Variants in SCAMP1 observed in about 807,000 individuals in gnomAD.
SCAMP1 encodes the protein secretory carrier-associated membrane protein 1.
Under a neutral mutation model 41.8 loss-of-function variants are expected in SCAMP1, and 15 were observed. The ratio of observed to expected loss-of-function variants is 0.36; its 90% confidence interval spans 0.24 to 0.55. The LOEUF (loss-of-function observed/expected upper bound fraction) is 0.55. Among genes scored for constraint, SCAMP1 ranks in the 20% least tolerant of loss-of-function variants. The pLI is 0.86. For missense variants in SCAMP1, 341 were observed against 412.6 expected, an observed-to-expected ratio of 0.83 and a Z score of 1.50; for synonymous variants, 135 against 136.8, an observed-to-expected ratio of 0.99 and a Z score of 0.09.
At chr5:78,427,571 G>C (rs542237332) in intron 6 of SCAMP1, among the ~76,000 whole-genome samples, 1 of 152,214 alleles carries the variant, frequency 6.6e-6, no homozygotes, top group Admixed American at 6.5e-5. Context: ...TTACTGGGAT[G>C]AAACTTTTTT....
intron 1 of SCAMP1, among the ~76,000 whole-genome samples, chr5:78,373,476 T>G (rs1344905953): frequency 6.6e-6 from 1 of 151,894 alleles, no homozygotes; most frequent in Non-Finnish European, 1.5e-5. Context: ...TGTAGGAAAG[T>G]TGCCACATGG....
chr5:78,408,829 G>A (rs1386116855), intron 2 of SCAMP1, among the ~76,000 whole-genome samples: 5 of 151,988 alleles, frequency 3.3e-5, no homozygotes, highest in Non-Finnish European at 7.4e-5. Context: ...CAATCTCCTG[G>A]CCTTGAGTGA....
chr5:78,422,242 A>G (rs557444842), intron 6 of SCAMP1, among the ~76,000 whole-genome samples: 20 of 152,150 alleles, frequency 1.3e-4, no homozygotes, highest in African/African-American at 4.8e-4. Flanking sequence ...ATTCTCTTCC[A>G]TATGTTATAC....
intron 1 of SCAMP1, among the ~76,000 whole-genome samples, chr5:78,374,351 C>G (rs1001374206): frequency 5.3e-5 from 8 of 151,978 alleles, no homozygotes; most frequent in African/African-American, 1.7e-4. Flanking sequence ...TAGGGAAATT[C>G]GGACACAGAA....
chr5:78,470,225 T>C (rs1753854496), intron 8 of SCAMP1, among the ~76,000 whole-genome samples: 1 of 152,184 alleles, frequency 6.6e-6, no homozygotes, highest in Admixed American at 6.5e-5. Context: ...AGGTATACAA[T>C]TCAGTGGCAT....
intron 1 of SCAMP1, among the ~76,000 whole-genome samples, chr5:78,381,561 C>G (rs1419502963): frequency 6.6e-6 from 1 of 152,208 alleles, no homozygotes; most frequent in Non-Finnish European, 1.5e-5. Flanking sequence ...TCAATTTTCT[C>G]ACTGACACAT....
intron 6 of SCAMP1, among the ~76,000 whole-genome samples, chr5:78,447,603 A>G (rs1311838291): frequency 2.0e-5 from 3 of 152,180 alleles, no homozygotes; most frequent in East Asian, 1.9e-4. Flanking sequence ...TTAACTCAAA[A>G]AAGAACATAG....
chr5:78,469,913 C>A (rs139786510), intron 8 of SCAMP1, among the ~76,000 whole-genome samples: 8,505 of 22,428 alleles, frequency 0.38, 1,855 homozygotes, highest in Middle Eastern at 0.57. Context: ...AAAAAAAAAA[C>A]AAAAAAAAAA....
At chr5:78,375,209 T>G (rs1751037255) in intron 1 of SCAMP1, among the ~76,000 whole-genome samples, 1 of 152,170 alleles carries the variant, frequency 6.6e-6, no homozygotes, top group Non-Finnish European at 1.5e-5. Flanking sequence ...GAAGAGTATT[T>G]TAATTACATT....
intron 1 of SCAMP1, among the ~76,000 whole-genome samples, chr5:78,361,816 C>T (rs952772126): frequency 6.6e-6 from 1 of 152,232 alleles, no homozygotes; most frequent in African/African-American, 2.4e-5. Flanking sequence ...AGTGTCACTT[C>T]TGGCTTGTTG....
chr5:78,387,417 C>G (rs922193259), intron 1 of SCAMP1, among the ~76,000 whole-genome samples: 1 of 148,148 alleles, frequency 6.8e-6, no homozygotes, highest in African/African-American at 2.5e-5. Flanking sequence ...TCTGGTGCCT[C>G]CTTGATCGGC....
At position 78,479,977 on chromosome 5, in the gene SCAMP1, C is replaced by T. The variant is rs543003890; in HGVS notation, c.*4309C>T. 1.1e-4 allele frequency among the ~76,000 whole-genome samples: 17 copies of T among 151,100 alleles called. No individual in the cohort carries two copies. Among genetic ancestry groups the T allele is most frequent in the East Asian group, 9.7e-4 (5 of 5,138 alleles). On this transcript the variant is annotated 3_prime_UTR_variant, in exon 9 of 9. Transcript: ENST00000621999. ...AGGAGAATGACGTGAACCTGGGAGG[C>T]GGAGCTTGCAGTGAGCCGAGATCTC... is the stretch of plus-strand genomic sequence containing the variant.
chr5:78,385,276 G>T (rs1456578489), intron 1 of SCAMP1, among the ~76,000 whole-genome samples: 1 of 152,008 alleles, frequency 6.6e-6, no homozygotes, highest in East Asian at 1.9e-4. Flanking sequence ...TTGTATTTCT[G>T]TGGTATTGGT....
At chr5:78,367,851 G>A (rs1750837956) in intron 1 of SCAMP1, among the ~76,000 whole-genome samples, 1 of 152,154 alleles carries the variant, frequency 6.6e-6, no homozygotes, top group Non-Finnish European at 1.5e-5. Context: ...CCCTACATTG[G>A]GGACAATGAA....
chr5:78,418,637 G>A (rs150215151), intron 4 of SCAMP1, 138 bp from the exon 5 acceptor site: 8,755 of 605,598 alleles, frequency 0.014, 111 homozygotes, highest in South Asian at 0.043. Context: ...CAGAGTTCTA[G>A]GAATACAAAG....
intron 1 of SCAMP1, among the ~76,000 whole-genome samples, chr5:78,386,148 A>G (rs1270192981): frequency 6.6e-6 from 1 of 152,144 alleles, no homozygotes; most frequent in Non-Finnish European, 1.5e-5. Flanking sequence ...TGTTAGGTGC[A>G]TATGTATTTA....
intron 6 of SCAMP1, among the ~76,000 whole-genome samples, chr5:78,445,769 C>T (rs562523644): frequency 1.2e-4 from 19 of 152,068 alleles, no homozygotes; most frequent in Non-Finnish European, 2.5e-4. Flanking sequence ...TTGATATTCA[C>T]GTGATGATTG....
chr5:78,460,790 T>TTTGGTTTCTTTTC (rs1554047056), intron 8 of SCAMP1, among the ~76,000 whole-genome samples: 72 of 47,924 alleles, frequency 1.5e-3, no homozygotes, highest in Middle Eastern at 9.8e-3. Context: ...CCTTCCTTCC[T>TTTGGTTTCTTTTC]TCCTTCCTTC....
At chr5:78,463,237 C>T (rs953923304) in intron 8 of SCAMP1, among the ~76,000 whole-genome samples, 3 of 152,248 alleles carry the variant, frequency 2.0e-5, no homozygotes, top group African/African-American at 7.2e-5. Context: ...TAGCTTTCTA[C>T]ACCACAGATG....
Sources: gnomAD v4.1 joint callset for allele counts (sites outside exome capture counted in the v4.1 genomes callset) on GRCh38, gnomAD v4.1.1 for gene constraint, MANE v1.5 for transcripts, NCBI Gene and HGNC (gene_info 2026-07-23, HGNC 2026-07-21) for gene names.